Variants in CDH4 observed in about 807,000 individuals in gnomAD.
CDH4 encodes the protein cadherin 4, also known as cadherin-4.
Under a neutral mutation model 86.0 loss-of-function variants are expected in CDH4, and 33 were observed. That is an observed-to-expected ratio of 0.38 (90% CI 0.29 to 0.51). The LOEUF (loss-of-function observed/expected upper bound fraction) is 0.51. Among genes scored for constraint, CDH4 ranks in the 20% least tolerant of loss-of-function variants. The pLI is 0.86. For missense variants in CDH4, 1,114 were observed against 1,307.4 expected (o/e 0.85, Z 2.28); for synonymous variants, 555 against 549.4 (o/e 1.01, Z -0.14).
intron 2 of CDH4, among the ~76,000 whole-genome samples, chr20:61,433,925 G>C (rs1479220837): frequency 6.6e-6 from 1 of 152,178 alleles, no homozygotes; most frequent in Non-Finnish European, 1.5e-5. Flanking sequence ...GTGGATTGAA[G>C]TCTAAAGCCA....
intron 2 of CDH4, among the ~76,000 whole-genome samples, chr20:61,729,559 G>T (rs1333192179): frequency 1.3e-5 from 2 of 152,220 alleles, no homozygotes; most frequent in East Asian, 3.8e-4. Flanking sequence ...CTGCAAACAG[G>T]CTTGCTGAGG....
At chr20:61,695,839 G>T (rs1255194314) in intron 2 of CDH4, among the ~76,000 whole-genome samples, 1 of 152,194 alleles carries the variant, frequency 6.6e-6, no homozygotes, top group Non-Finnish European at 1.5e-5. Flanking sequence ...GCTGAGCTGG[G>T]CTTTGCCCCA....
At chr20:61,809,577 C>G (rs1980322159) in intron 4 of CDH4, among the ~76,000 whole-genome samples, 1 of 152,140 alleles carries the variant, frequency 6.6e-6, no homozygotes, top group South Asian at 2.1e-4. Context: ...GGAGGGAAAG[C>G]AGGCTGTGAG....
chr20:61,428,665 G>A (rs62199128), intron 2 of CDH4, among the ~76,000 whole-genome samples: 2,113 of 152,296 alleles, frequency 0.014, 18 homozygotes, highest in Non-Finnish European at 0.019. Flanking sequence ...CGGGATGGGC[G>A]TCCAGGACTT....
In CDH4 at chr20:61,898,925, C is replaced by T. The variant is rs1194087646; in HGVS notation, c.1188+3878C>T. On this transcript the variant is annotated intron_variant, in intron 8 of 15. Transcript: ENST00000614565. ...GCTTTAACAGACCTGGAGTCCTGTC[C>T]CGTCTCGGTCTTTCATAGGTGAGGG... is the stretch of plus-strand genomic sequence containing the variant. Among the ~76,000 whole-genome samples, 3 of 152,178 alleles carry T rather than the reference C, an allele frequency of 2.0e-5. No individual in the cohort carries two copies. The East Asian group carries it at 5.8e-4, about 29-fold the overall frequency.
intron 4 of CDH4, among the ~76,000 whole-genome samples, chr20:61,832,885 C>T (rs1981692858): frequency 6.6e-6 from 1 of 152,284 alleles, no homozygotes; most frequent in South Asian, 2.1e-4. Flanking sequence ...TTTCTGTGCC[C>T]CTGACACTGA....
intron 2 of CDH4, among the ~76,000 whole-genome samples, chr20:61,729,535 G>A (rs868828081): frequency 9.9e-5 from 15 of 152,282 alleles, no homozygotes; most frequent in South Asian, 8.3e-4. Flanking sequence ...AGGCTCTTTC[G>A]CCACAGCAGG....
At chr20:61,271,478 G>A (rs935812672) in intron 2 of CDH4, among the ~76,000 whole-genome samples, 1 of 152,306 alleles carries the variant, frequency 6.6e-6, no homozygotes, top group African/African-American at 2.4e-5. Context: ...AGGACAGCGG[G>A]CTGTCTTTGT....
At chr20:61,545,164 G>A (rs1041901432) in intron 2 of CDH4, among the ~76,000 whole-genome samples, 1 of 152,216 alleles carries the variant, frequency 6.6e-6, no homozygotes, top group Non-Finnish European at 1.5e-5. Flanking sequence ...CTGCCACGCA[G>A]CATCGGGACA....
chr20:61,459,610 G>C (rs572368897), intron 2 of CDH4, among the ~76,000 whole-genome samples: 1 of 151,052 alleles, frequency 6.6e-6, no homozygotes, highest in Admixed American at 6.6e-5. Flanking sequence ...GATGGAGAGC[G>C]GGAGGGACAT....
intron 2 of CDH4, among the ~76,000 whole-genome samples, chr20:61,514,291 T>C (rs2085801371): frequency 6.6e-6 from 1 of 151,598 alleles, no homozygotes; most frequent in African/African-American, 2.4e-5. Flanking sequence ...GGGGTCAGGG[T>C]TCAGGCCTCA....
At chr20:61,368,706 G>A (rs1013451730) in intron 2 of CDH4, among the ~76,000 whole-genome samples, 25 of 151,950 alleles carry the variant, frequency 1.6e-4, no homozygotes, top group Admixed American at 2.6e-4. Flanking sequence ...TAGTAGAGAT[G>A]GTGTTTCACC....
chr20:61,873,597 C>T lies in CDH4; in HGVS notation c.878-131C>T, dbSNP rs970576508. The T allele has an allele frequency of 6.5e-5, 60 of 917,154 alleles. 1 individual carries two copies. Among genetic ancestry groups the T allele is most frequent in the Admixed American group, 3.9e-4 (17 of 44,060 alleles). 56.8% of individuals were successfully genotyped at this position (917,154 alleles called of 1,614,324 possible). On this transcript the variant is annotated intron_variant, in intron 6 of 15. Transcript: ENST00000614565. ...GCACTAACACCACCTCTGAACACGC[C>T]GAGAGGAAGGGGGTTCCGCTACGCC...
intron 2 of CDH4, among the ~76,000 whole-genome samples, chr20:61,423,667 G>T (rs2085192615): frequency 6.7e-6 from 1 of 149,032 alleles, no homozygotes; most frequent in South Asian, 2.1e-4. Context: ...TACTTGGCAG[G>T]TACGTTCGTC....
chr20:61,470,218 C>T (rs1201453987), intron 2 of CDH4, among the ~76,000 whole-genome samples: 1 of 151,680 alleles, frequency 6.6e-6, no homozygotes, highest in Non-Finnish European at 1.5e-5. Context: ...TTTTTTGTGG[C>T]CTCTTTTTTC....
chr20:61,514,219 G>A (rs1204388622), intron 2 of CDH4, among the ~76,000 whole-genome samples: 3 of 152,134 alleles, frequency 2.0e-5, no homozygotes. Context: ...GGAATGCTAA[G>A]GTCTGGCTGC....
chr20:61,459,009 C>A (rs1224110911), intron 2 of CDH4, among the ~76,000 whole-genome samples: 3 of 151,502 alleles, frequency 2.0e-5, no homozygotes, highest in Non-Finnish European at 4.4e-5. Context: ...GCCTCTGAGC[C>A]CTGGCATTGT....
At chr20:61,865,919 G>A (rs924317606) in intron 6 of CDH4, among the ~76,000 whole-genome samples, 2 of 152,172 alleles carry the variant, frequency 1.3e-5, no homozygotes, top group Admixed American at 1.3e-4. Flanking sequence ...AGTTTCCTGG[G>A]CTGCTTACTG....
chr20:61,823,149 G>A (rs752313282), intron 4 of CDH4, among the ~76,000 whole-genome samples: 43 of 149,520 alleles, frequency 2.9e-4, no homozygotes, highest in Non-Finnish European at 5.6e-4. Flanking sequence ...TTGACTGATT[G>A]GATGAGGCCC....
Sources: allele counts gnomAD v4.1 joint callset (sites outside exome capture counted in the v4.1 genomes callset), GRCh38; gene constraint gnomAD v4.1.1; transcripts MANE v1.5; gene names NCBI Gene and HGNC (gene_info 2026-07-23, HGNC 2026-07-21).